Variants in CSMD2 observed in about 807,000 individuals in gnomAD.
CSMD2 encodes CUB and Sushi multiple domains 2, also known as CUB and sushi domain-containing protein 2.
Under a neutral mutation model 398.5 loss-of-function variants are expected in CSMD2, and 130 were observed. The ratio of observed to expected loss-of-function variants is 0.33; its 90% CI spans 0.28 to 0.38. The LOEUF is 0.38. Ranked by LOEUF, CSMD2 falls within the 10% of genes least tolerant of loss-of-function variation. The pLI is 1.00. For missense variants in CSMD2, 3,829 were observed against 4,764.9 expected (o/e 0.80, Z 5.78); for synonymous variants, 1,828 against 1,908.5 (o/e 0.96, Z 1.10).
At chr1:33,955,634 A>G (rs1645142360) in intron 3 of CSMD2, among the ~76,000 whole-genome samples, 1 of 152,116 alleles carries the variant, frequency 6.6e-6, no homozygotes, top group Non-Finnish European at 1.5e-5. Flanking sequence ...TAATGAAAGT[A>G]CCTATATTGT....
chr1:33,814,588 C>T (rs1342611619), intron 9 of CSMD2, among the ~76,000 whole-genome samples: 1 of 152,178 alleles, frequency 6.6e-6, no homozygotes, highest in Non-Finnish European at 1.5e-5. Flanking sequence ...TCTATCTGCA[C>T]GTGTACTCAA....
chr1:33,744,244 C>T (rs1647190728), intron 13 of CSMD2, among the ~76,000 whole-genome samples: 1 of 152,154 alleles, frequency 6.6e-6, no homozygotes, highest in South Asian at 2.1e-4. Flanking sequence ...GTGCTAATTC[C>T]CCAGGCGGTA....
chr1:34,080,926 G>GAAAGAAAGAA (rs1657002004), intron 2 of CSMD2, among the ~76,000 whole-genome samples: 1 of 46,562 alleles, frequency 2.1e-5, no homozygotes, highest in Non-Finnish European at 4.0e-5. Flanking sequence ...TGAGTGGAAA[G>GAAAGAAAGAA]AAAGAAAGAA....
intron 24 of CSMD2, among the ~76,000 whole-genome samples, chr1:33,696,265 T>C (rs966294518): frequency 7.9e-5 from 12 of 152,172 alleles, no homozygotes; most frequent in Non-Finnish European, 1.6e-4. Flanking sequence ...ATGCTAGAAA[T>C]AGGAGAAGAA....
intron 1 of CSMD2, among the ~76,000 whole-genome samples, chr1:34,148,442 A>C (rs551101086): frequency 6.6e-6 from 1 of 152,354 alleles, no homozygotes; most frequent in South Asian, 2.1e-4. Flanking sequence ...CTGCTCCCGA[A>C]AGCAGTCTCC....
chr1:33,533,868 G>A lies in CSMD2; in HGVS notation c.9919C>T (p.Leu3307=), dbSNP rs760152626. Residue 3307 remains leucine (L), a synonymous_variant, in exon 63 of 71, where the codon CTG becomes TTG. Coordinates refer to ENST00000373381, the MANE Select transcript of CSMD2 (RefSeq NM_001281956.2). The surrounding 1 kb of genome is among the most constrained non-coding windows in gnomAD (Gnocchi z 4.2). Reference sequence around the variant, plus strand: ...GTCCTGGTGGTGGAGCCCTGAAGCAGGTAGCCTTTTTGACAACGGAAGAGG... The same window carrying A: ...GTCCTGGTGGTGGAGCCCTGAAGCAAGTAGCCTTTTTGACAACGGAAGAGG... ...TVLFRCQKGY[L]LQGSTTRTCL... 3 of 1,613,984 alleles carry A rather than the reference G, an allele frequency of 1.9e-6. No individual in the cohort carries two copies. Among genetic ancestry groups the A allele is most frequent in the African/African-American group, 1.3e-5 (1 of 74,918 alleles).
intron 68 of CSMD2, 135 bp downstream of exon 68, chr1:33,521,328 T>A: frequency 4.4e-6 from 3 of 675,778 alleles, no homozygotes; most frequent in Non-Finnish European, 8.1e-6. Flanking sequence ...TCAAGAGGCA[T>A]CCCTGATCCC....
At chr1:33,821,641 A>C (rs1484274033) in intron 7 of CSMD2, among the ~76,000 whole-genome samples, 1 of 152,220 alleles carries the variant, frequency 6.6e-6, no homozygotes, top group Non-Finnish European at 1.5e-5. Flanking sequence ...ATAGGTACAC[A>C]ACAAGCATTC....
chr1:33,954,415 G>C (rs1273897568), intron 3 of CSMD2, among the ~76,000 whole-genome samples: 2 of 151,784 alleles, frequency 1.3e-5, no homozygotes, highest in Admixed American at 6.6e-5. Context: ...TGGGGGGAGG[G>C]AACACTGACT....
intron 26 of CSMD2, among the ~76,000 whole-genome samples, chr1:33,658,898 A>T (rs1188338549): frequency 6.6e-6 from 1 of 152,156 alleles, no homozygotes; most frequent in Non-Finnish European, 1.5e-5. Context: ...CATGTATTCA[A>T]TTGGAAGGGT....
intron 16 of CSMD2, among the ~76,000 whole-genome samples, 197 bp downstream of exon 16, chr1:33,726,350 C>T (rs918965817): frequency 2.0e-5 from 3 of 152,178 alleles, no homozygotes; most frequent in Non-Finnish European, 4.4e-5. Context: ...TGCCATAGTC[C>T]CCTAAACAGC....
intron 25 of CSMD2, among the ~76,000 whole-genome samples, chr1:33,672,565 T>A (rs1021418713): frequency 1.4e-4 from 22 of 152,176 alleles, no homozygotes; most frequent in South Asian, 2.1e-4. Context: ...AAGGCGGCAG[T>A]AACCTCTGCA....
chr1:33,639,241 C>T (rs894197470), intron 29 of CSMD2, among the ~76,000 whole-genome samples: 3 of 152,170 alleles, frequency 2.0e-5, no homozygotes, highest in African/African-American at 7.2e-5. Flanking sequence ...GGAGCTCCCT[C>T]ATCAATCCTG....
At chr1:33,686,314 C>A (rs1645061210) in intron 25 of CSMD2, among the ~76,000 whole-genome samples, 2 of 152,224 alleles carry the variant, frequency 1.3e-5, no homozygotes, top group South Asian at 2.1e-4. Context: ...TAGGATGAAA[C>A]TTCTGTGTTC....
chr1:33,541,872 C>G (rs148273195), intron 58 of CSMD2, among the ~76,000 whole-genome samples: 143 of 152,246 alleles, frequency 9.4e-4, no homozygotes, highest in African/African-American at 3.3e-3. Context: ...GATTTGTCTG[C>G]TGAGGGGTAC....
chr1:34,161,068 T>C (rs572253843), intron 1 of CSMD2, among the ~76,000 whole-genome samples: 1 of 152,298 alleles, frequency 6.6e-6, no homozygotes, highest in South Asian at 2.1e-4. Flanking sequence ...ATTGAGGATA[T>C]GAAACTGACA....
chr1:33,839,358 A>C (rs1475926344), intron 6 of CSMD2: 1 of 152,304 alleles, frequency 6.6e-6, no homozygotes, highest in East Asian at 1.9e-4. Flanking sequence ...TACAGTAGTC[A>C]AAACTCCAGG....
chr1:33,543,356 C>T (rs1236298132), intron 57 of CSMD2, among the ~76,000 whole-genome samples: 13 of 152,228 alleles, frequency 8.5e-5, no homozygotes, highest in Non-Finnish European at 2.9e-5. Flanking sequence ...GAAACCAGAA[C>T]ATCTGTCCTA....
Position 33,646,757 on chromosome 1 carries a change from G to A in CSMD2, c.4665C>T (p.Phe1555=). The A allele has an allele frequency of 6.2e-7, 1 of 1,614,188 alleles. No homozygotes were observed. The highest frequency in any genetic ancestry group is 1.1e-5 in the South Asian group (1 of 91,082). ...TGCGGCCTGGGAGCTGGGAGCCATA[G>A]AAGCTTCCTATGAGAGGGCTGAGAG... The part of the protein sequence containing the change: ...RDSLSPLIGS[F]YGSQLPGRIE... The change falls in exon 29 of 71, where the codon TTC becomes TTT. Residue 1555 remains phenylalanine (F), a synonymous_variant. Transcript: ENST00000373381.
Sources: allele counts gnomAD v4.1 joint callset (sites outside exome capture counted in the v4.1 genomes callset), GRCh38; gene constraint gnomAD v4.1.1; non-coding constraint Gnocchi (gnomAD v3.1); transcripts MANE v1.5; gene names NCBI Gene and HGNC (gene_info 2026-07-23, HGNC 2026-07-21).